CHSY3: variants seen among roughly 807,000 people sequenced by gnomAD.
CHSY3 encodes chondroitin sulfate synthase 3.
CHSY3 carries 35 observed loss-of-function variants against 67.2 expected under a neutral mutation model. The ratio of observed to expected loss-of-function variants is 0.52; its 90% CI spans 0.40 to 0.69. The LOEUF (loss-of-function observed/expected upper bound fraction) is 0.69, where lower values mean the gene tolerates loss of function less well. Ranked by LOEUF, CHSY3 falls within the 30% of genes least tolerant of loss-of-function variation. The pLI is 0.00. For synonymous variants in CHSY3, 474 were observed against 434.7 expected (o/e 1.09, Z -1.12); for missense variants, 1,069 against 1,138.5 (o/e 0.94, Z 0.88).
chr5:130,042,061 C>T (rs1217004873), intron 2 of CHSY3, among the ~76,000 whole-genome samples: 6 of 152,008 alleles, frequency 3.9e-5, no homozygotes, highest in African/African-American at 1.4e-4. Context: ...ATATTAAGAC[C>T]TCATCTCTAC....
At position 130,139,851 on chromosome 5, in the gene CHSY3, T is replaced by C. The variant is rs147617997; in HGVS notation, c.1087-44378T>C. On this transcript the variant is annotated intron_variant, in intron 2 of 2. Coordinates refer to ENST00000305031, the MANE Select transcript of CHSY3 (RefSeq NM_175856.5). ...GTTAACAATAGCTTACCTCGAATAATAGATCTTACCTCAAAAGTAGAACTA... is the reference window on the plus strand; with the variant it reads ...GTTAACAATAGCTTACCTCGAATAACAGATCTTACCTCAAAAGTAGAACTA... 2.1e-3 allele frequency among the ~76,000 whole-genome samples: 320 copies of C among 152,320 alleles called. 5 individuals carry two copies. In the South Asian group the frequency reaches 0.035, roughly 17 times the overall value.
At chr5:130,137,686 A>C (rs1407793583) in intron 2 of CHSY3, among the ~76,000 whole-genome samples, 2 of 152,200 alleles carry the variant, frequency 1.3e-5, no homozygotes, top group Non-Finnish European at 2.9e-5. Flanking sequence ...TATTAACTTA[A>C]GTCTTAGATA....
intron 2 of CHSY3, among the ~76,000 whole-genome samples, chr5:129,992,041 A>G (rs1763384167): frequency 2.0e-5 from 3 of 152,194 alleles, no homozygotes; most frequent in Admixed American, 2.0e-4. Flanking sequence ...AAAGATGAAG[A>G]AAGAACCTTT....
At chr5:130,045,415 A>G (rs1471013807) in intron 2 of CHSY3, among the ~76,000 whole-genome samples, 3 of 152,000 alleles carry the variant, frequency 2.0e-5, no homozygotes, top group African/African-American at 7.2e-5. Context: ...GGCAGTAACA[A>G]AGTGTTTAGA....
At position 130,128,229 on chromosome 5, in the gene CHSY3, G is replaced by GGTGTGTGTGTGTGT. The variant is rs112570550; in HGVS notation, c.1087-55988_1087-55975dup. Among the ~76,000 whole-genome samples the GGTGTGTGTGTGTGT allele has an allele frequency of 3.4e-3, 496 of 147,472 alleles. 3 individuals carry two copies. The highest frequency in any genetic ancestry group is 0.011 in the African/African-American group (432 of 39,768). On this transcript the variant is annotated intron_variant, in intron 2 of 2. Coordinates refer to ENST00000305031, the MANE Select transcript of CHSY3 (RefSeq NM_175856.5). ...GCCAAGATGTGGAAGAAGAAAATGT[G>GGTGTGTGTGTGTGT]GTGTGTGTGTGTGTGTGTGTGTGTG...
In CHSY3 at chr5:129,953,327, G is replaced by A. The variant is rs548014412; in HGVS notation, c.1086+44967G>A. On this transcript the variant is annotated intron_variant, in intron 2 of 2. Transcript: ENST00000305031. ...CATGAACTCATCCTTTTTTATGTCTGCATAGTATTCTGTGGTGTATATGAG... is the reference window on the plus strand; with the variant it reads ...CATGAACTCATCCTTTTTTATGTCTACATAGTATTCTGTGGTGTATATGAG... 2.0e-5 allele frequency among the ~76,000 whole-genome samples: 3 copies of A among 152,228 alleles called. No individual in the cohort carries two copies. The South Asian group carries it at 6.2e-4, about 32-fold the overall frequency.
At chr5:130,133,617 C>T (rs1021730837) in intron 2 of CHSY3, among the ~76,000 whole-genome samples, 2 of 151,204 alleles carry the variant, frequency 1.3e-5, no homozygotes, top group African/African-American at 4.9e-5. Context: ...ACTAAATATA[C>T]AAAAATTAGC....
At chr5:130,073,612 A>G (rs1249810595) in intron 2 of CHSY3, among the ~76,000 whole-genome samples, 1 of 152,104 alleles carries the variant, frequency 6.6e-6, no homozygotes, top group East Asian at 1.9e-4. Flanking sequence ...GTAAATTAGT[A>G]TGGTCACTTT....
At chr5:129,908,768 T>C (rs1457179390) in intron 2 of CHSY3, among the ~76,000 whole-genome samples, 2 of 152,148 alleles carry the variant, frequency 1.3e-5, no homozygotes, top group Non-Finnish European at 2.9e-5. Context: ...TTTGGTTAGG[T>C]GTGTAATGGC....
At chr5:130,148,548 C>T (rs2149723075) in intron 2 of CHSY3, among the ~76,000 whole-genome samples, 1 of 152,282 alleles carries the variant, frequency 6.6e-6, no homozygotes, top group South Asian at 2.1e-4. Flanking sequence ...CTCAACCTGG[C>T]CAGCACCTCT....
rs745732192 is a variant in CHSY3 at position 130,185,641 on chromosome 5, C to G, written c.2499C>G (p.Phe833Leu). 23 of 1,613,940 alleles carry G rather than the reference C, an allele frequency of 1.4e-5. No individual in the cohort carries two copies. The highest frequency in any genetic ancestry group is 1.9e-5 in the Non-Finnish European group (23 of 1,179,992). ...RSQEVGVVHI[F>L]HPVHCDPNLD... ...AAGAAGTAGGAGTGGTGCATATTTT[C>G]CATCCAGTTCATTGTGATCCTAACT... Residue 833 changes from phenylalanine to leucine, a missense_variant, in exon 3 of 3, where the codon TTC becomes TTG. This residue lies in a region of CHSY3 where 139 missense variants were observed against 152.8 expected (regional missense o/e 0.91). Coordinates refer to ENST00000305031, the MANE Select transcript of CHSY3 (RefSeq NM_175856.5).
At chr5:129,935,188 G>T (rs1340542502) in intron 2 of CHSY3, among the ~76,000 whole-genome samples, 4 of 152,136 alleles carry the variant, frequency 2.6e-5, no homozygotes, top group Admixed American at 2.6e-4. Flanking sequence ...GTTTTGAGCA[G>T]TCCCTTTAGT....
chr5:129,930,525 G>A (rs1415474825), intron 2 of CHSY3, among the ~76,000 whole-genome samples: 6 of 143,226 alleles, frequency 4.2e-5, no homozygotes, highest in Non-Finnish European at 7.6e-5. Flanking sequence ...GGGGTATGAA[G>A]TTTTGCCTGG....
At chr5:129,963,087 C>T (rs770634037) in intron 2 of CHSY3, among the ~76,000 whole-genome samples, 8 of 151,612 alleles carry the variant, frequency 5.3e-5, no homozygotes, top group East Asian at 1.9e-4. Flanking sequence ...AACTTGTAAT[C>T]GGTCTAGCAA....
At chr5:129,989,405 G>A (rs376877800) in intron 2 of CHSY3, among the ~76,000 whole-genome samples, 2 of 152,090 alleles carry the variant, frequency 1.3e-5, no homozygotes, top group South Asian at 2.1e-4. Flanking sequence ...GGGATTACAG[G>A]CATGCACCAC....
chr5:129,905,762 GC>G, intron 1 of CHSY3, 131 bp downstream of exon 1: 1 of 1,487,796 alleles, frequency 6.7e-7, no homozygotes, highest in Non-Finnish European at 8.9e-7. Flanking sequence ...ACAGGCCCTG[GC>G]CCGCCCTCCC....
chr5:130,012,261 G>A (rs1764087863), intron 2 of CHSY3, among the ~76,000 whole-genome samples: 1 of 152,138 alleles, frequency 6.6e-6, no homozygotes, highest in South Asian at 2.1e-4. Flanking sequence ...TAGACCACTG[G>A]GACAGGTTAA....
intron 2 of CHSY3, among the ~76,000 whole-genome samples, chr5:130,003,987 T>G (rs968166262): frequency 6.6e-6 from 1 of 152,252 alleles, no homozygotes; most frequent in African/African-American, 2.4e-5. Context: ...ATATGCATTT[T>G]TTGGTTTCGT....
intron 2 of CHSY3, among the ~76,000 whole-genome samples, chr5:129,978,147 C>G (rs1762868228): frequency 6.6e-6 from 1 of 151,870 alleles, no homozygotes. Context: ...TTAGGTATTC[C>G]TTTAGTTCTG....
Sources: allele counts gnomAD v4.1 joint callset (sites outside exome capture counted in the v4.1 genomes callset), GRCh38; gene constraint gnomAD v4.1.1; regional missense constraint gnomAD v4.1.1; transcripts MANE v1.5; gene names NCBI Gene and HGNC (gene_info 2026-07-23, HGNC 2026-07-21).